ZBTB7C: variants seen among roughly 807,000 people sequenced by gnomAD.
ZBTB7C encodes zinc finger and BTB domain-containing protein 7C.
ZBTB7C carries 8 observed loss-of-function variants against 25.7 expected under a neutral mutation model. The ratio of observed to expected loss-of-function variants is 0.31; its 90% CI spans 0.18 to 0.56. ZBTB7C has a LOEUF of 0.56. Among genes scored for constraint, ZBTB7C ranks in the 20% least tolerant of loss-of-function variants. ZBTB7C has a pLI of 0.91. For synonymous variants in ZBTB7C, 394 were observed against 369.0 expected, an observed-to-expected ratio of 1.07 and a Z score of -0.78; for missense variants, 824 against 855.2, an observed-to-expected ratio of 0.96 and a Z score of 0.46.
rs145222846 is a variant in ZBTB7C, at chr18:48,040,382, G to A, written c.726C>T (p.Pro242=). ...ATGGAGACAAGGAGGGTCTCCTGTC[G>A]GGGATGTTGGCCTTGGGGTACAGGT... The part of the protein sequence containing the change: ...RENLYPKANI[P]DRRPSLSPFA... Residue 242 remains proline, a synonymous_variant, in exon 4 of 5, where the codon CCC becomes CCT. Transcript: ENST00000590800. 945 of 1,612,074 alleles carry A rather than the reference G, an allele frequency of 5.9e-4. 14 individuals carry two copies. In the South Asian group the frequency reaches 6.9e-3, roughly 12 times the overall value.
At chr18:48,227,299 C>A (rs1014881818) in intron 2 of ZBTB7C, among the ~76,000 whole-genome samples, 1 of 152,204 alleles carries the variant, frequency 6.6e-6, no homozygotes. Flanking sequence ...CACATGTGTA[C>A]GGCCTGGCAG....
chr18:48,209,822 G>T (rs1269126004), intron 2 of ZBTB7C, among the ~76,000 whole-genome samples: 1 of 151,642 alleles, frequency 6.6e-6, no homozygotes, highest in African/African-American at 2.4e-5. Flanking sequence ...ACATAAATGG[G>T]ACTTTATCAA....
chr18:48,378,946 C>A (rs1052251926), intron 1 of ZBTB7C, among the ~76,000 whole-genome samples: 15 of 152,066 alleles, frequency 9.9e-5, no homozygotes, highest in Non-Finnish European at 1.9e-4. Context: ...GTGTTCTGAG[C>A]ATGTTTAGGG....
intron 3 of ZBTB7C, among the ~76,000 whole-genome samples, chr18:48,176,138 A>G (rs537699460): frequency 1.3e-5 from 2 of 152,346 alleles, no homozygotes; most frequent in African/African-American, 2.4e-5. Context: ...CAAAATTAAC[A>G]TCACCAATGA....
At chr18:48,101,980 G>A (rs2038847466) in intron 3 of ZBTB7C, among the ~76,000 whole-genome samples, 1 of 152,082 alleles carries the variant, frequency 6.6e-6, no homozygotes, top group Admixed American at 6.5e-5. Flanking sequence ...ATGCCAACAT[G>A]TACTCTTTAT....
At chr18:48,131,663 A>T (rs1263636910) in intron 3 of ZBTB7C, among the ~76,000 whole-genome samples, 3 of 152,196 alleles carry the variant, frequency 2.0e-5, no homozygotes, top group African/African-American at 7.2e-5. Context: ...ATACAAAGTG[A>T]CTGTCTTATA....
chr18:48,373,820 G>C (rs1467576497), intron 1 of ZBTB7C, among the ~76,000 whole-genome samples: 2 of 152,150 alleles, frequency 1.3e-5, no homozygotes, highest in African/African-American at 4.8e-5. Flanking sequence ...AATTAGCCAG[G>C]CATGGTGGCG....
chr18:48,411,897 G>A (rs1420929763), upstream of ZBTB7C, among the ~76,000 whole-genome samples: 1 of 152,250 alleles, frequency 6.6e-6, no homozygotes. Flanking sequence ...GATCCAGTGA[G>A]TGCTGTAAGA....
At chr18:48,233,718 G>C (rs1051431041) in intron 2 of ZBTB7C, among the ~76,000 whole-genome samples, 2 of 152,150 alleles carry the variant, frequency 1.3e-5, no homozygotes, top group East Asian at 3.8e-4. Context: ...TTTTTAAATG[G>C]GTGTTCATAG....
intron 2 of ZBTB7C, among the ~76,000 whole-genome samples, chr18:48,223,723 C>T (rs1473967173): frequency 6.6e-6 from 1 of 152,196 alleles, no homozygotes; most frequent in Non-Finnish European, 1.5e-5. Context: ...ACTTAACGTC[C>T]TTTAACCTGA....
intron 2 of ZBTB7C, among the ~76,000 whole-genome samples, chr18:48,305,144 G>A (rs756542659): frequency 2.0e-5 from 3 of 152,156 alleles, no homozygotes; most frequent in South Asian, 2.1e-4. Context: ...CCAGGCCTGC[G>A]AGACCTCCAC....
At chr18:48,389,368 CAAA>C (rs36028137) in intron 1 of ZBTB7C, among the ~76,000 whole-genome samples, 64 of 109,206 alleles carry the variant, frequency 5.9e-4, no homozygotes, top group Middle Eastern at 5.4e-3. Flanking sequence ...AAAGATAGAC[CAAA>C]AAAAAAAAAA....
chr18:48,287,181 CCAAT>C (rs1037263695), intron 2 of ZBTB7C, among the ~76,000 whole-genome samples: 9 of 25,756 alleles, frequency 3.5e-4, no homozygotes, highest in African/African-American at 5.2e-4. Context: ...ATTAAAAACA[CCAAT>C]CAGAGACAAA....
intron 3 of ZBTB7C, among the ~76,000 whole-genome samples, chr18:48,091,065 T>C (rs938376708): frequency 1.3e-5 from 2 of 151,676 alleles, no homozygotes; most frequent in African/African-American, 4.8e-5. Context: ...ATGCCAAATA[T>C]TGGTGTTTCT....
intron 3 of ZBTB7C, among the ~76,000 whole-genome samples, chr18:48,130,811 C>A (rs557868131): frequency 4.3e-4 from 66 of 152,358 alleles, no homozygotes; most frequent in Non-Finnish European, 8.2e-4. Flanking sequence ...TCAGACTTCA[C>A]CACAATCACC....
In ZBTB7C at chr18:48,338,275, G is replaced by A. The variant is rs2046502285; in HGVS notation, c.-180C>T. On this transcript the variant is annotated 5_prime_UTR_variant, in exon 2 of 5. Coordinates refer to ENST00000590800, the MANE Select transcript of ZBTB7C (RefSeq NM_001318841.2). ...AAACGCCCAGGCTCCAGGTCTAATG[G>A]GCGTGGATTCTGCTCATGCCTCAGG... 1 of 152,174 alleles carries A rather than the reference G, an allele frequency of 6.6e-6. No homozygotes were observed. The highest frequency in any genetic ancestry group is 2.1e-4 in the South Asian group (1 of 4,812). The allele number at this position is 152,174 out of a possible 1,614,324, so 9.4% of individuals were successfully genotyped here.
intron 3 of ZBTB7C, among the ~76,000 whole-genome samples, chr18:48,062,818 G>T (rs1398639643): frequency 6.6e-6 from 1 of 152,244 alleles, no homozygotes; most frequent in Non-Finnish European, 1.5e-5. Context: ...GGATGCTGAG[G>T]CACAGAGATG....
intron 2 of ZBTB7C, among the ~76,000 whole-genome samples, chr18:48,254,628 A>G (rs1381129234): frequency 6.6e-6 from 1 of 152,128 alleles, no homozygotes; most frequent in Admixed American, 6.5e-5. Context: ...TCTTGACACA[A>G]GACGACGAAC....
chr18:48,367,344 G>A (rs1414039438), intron 1 of ZBTB7C, among the ~76,000 whole-genome samples: 1 of 40,682 alleles, frequency 2.5e-5, no homozygotes, highest in South Asian at 1.1e-3. Flanking sequence ...ACATATATGT[G>A]TGCATATATA....
Sources: gnomAD v4.1 joint callset for allele counts (sites outside exome capture counted in the v4.1 genomes callset) on GRCh38, gnomAD v4.1.1 for gene constraint, MANE v1.5 for transcripts, NCBI Gene and HGNC (gene_info 2026-07-23, HGNC 2026-07-21) for gene names.